The following YJU2B variants were observed in gnomAD, a reference collection of about 807,000 sequenced individuals.
YJU2B encodes the protein YJU2 splicing factor homolog B.
Under a neutral mutation model 38.0 loss-of-function variants are expected in YJU2B, and 18 were observed. The observed-to-expected ratio is 0.47, with a 90% confidence interval of 0.33 to 0.70. The LOEUF is 0.70. Among genes scored for constraint, YJU2B ranks in the 30% least tolerant of loss-of-function variants. The pLI is 0.02. For missense variants in YJU2B, 538 were observed against 556.3 expected (o/e 0.97, Z 0.33); for synonymous variants, 246 against 225.4 (o/e 1.09, Z -0.82).
chr19:13,757,916 T>C, intron 6 of YJU2B, 70 bp downstream of exon 6: 1 of 1,384,442 alleles, frequency 7.2e-7, no homozygotes, highest in Admixed American at 1.7e-5. Flanking sequence ...ACAAAGAGCC[T>C]GAGTTGCGGG....
At chr19:13,759,352 C>T (rs1973796947) in intron 8 of YJU2B, 80 bp downstream of exon 8, 1 of 1,214,140 alleles carries the variant, frequency 8.2e-7, no homozygotes, top group Admixed American at 2.6e-5. Flanking sequence ...CCACCACATC[C>T]TAGCTTTGAG....
At chr19:13,732,720 C>T (rs1972850332) in intron 2 of YJU2B, 1 of 150,680 alleles carries the variant, frequency 6.6e-6, no homozygotes, top group Non-Finnish European at 1.5e-5. Flanking sequence ...AGCAGCTCTC[C>T]TGCCTTAGCC....
chr19:13,738,320 T>TA (rs1444978801), intron 2 of YJU2B, among the ~76,000 whole-genome samples: 1 of 152,216 alleles, frequency 6.6e-6, no homozygotes, highest in Non-Finnish European at 1.5e-5. Flanking sequence ...TCACAGCTCT[T>TA]ACATCATTGT....
intron 6 of YJU2B, 120 bp downstream of exon 6, chr19:13,757,966 G>A: frequency 7.0e-6 from 6 of 855,016 alleles, no homozygotes; most frequent in Non-Finnish European, 1.1e-5. Flanking sequence ...AATCGCCCTG[G>A]TTGGTGAATC....
chr19:13,762,289 C>T lies in YJU2B; in HGVS notation c.574-10C>T, dbSNP rs1226022848. ...CCCCCTATCTCTGGTGTTCTTGGCC[C>T]TCAACACAGGAAAAGAAAAAAGCCA... On this transcript the variant is annotated splice_polypyrimidine_tract_variant and intron_variant, in intron 8 of 9. Transcript: ENST00000221554. 2.2e-5 allele frequency: 36 copies of T among 1,612,826 alleles called. No individual in the cohort carries two copies. The highest frequency in any genetic ancestry group is 2.5e-5 in the Non-Finnish European group (30 of 1,179,846).
chr19:13,742,294 C>CTTTTTTTTTTTTTTTT (rs552865402), intron 2 of YJU2B, among the ~76,000 whole-genome samples: 3 of 111,980 alleles, frequency 2.7e-5, no homozygotes, highest in African/African-American at 1.1e-4. Context: ...TTGAGTCCCA[C>CTTTTTTTTTTTTTTTT]TTTTTTTTTT....
intron 1 of YJU2B, among the ~76,000 whole-genome samples, chr19:13,751,389 T>TG (rs1233163330): frequency 1.3e-5 from 2 of 152,172 alleles, no homozygotes; most frequent in Admixed American, 6.6e-5. Context: ...CACTCCAGCC[T>TG]GGTGACAGAG....
chr19:13,763,162 C>G lies in YJU2B; in HGVS notation c.*94C>G. On this transcript the variant is annotated 3_prime_UTR_variant, in exon 10 of 10. Coordinates refer to ENST00000221554, the MANE Select transcript of YJU2B (RefSeq NM_030818.4). ...TGCAGACCCCCGGCTCGCCCACCAG[C>G]CCTGGGAGAGCTCAGATGCCGCATC... 9.5e-7 allele frequency: 1 copy of G among 1,056,864 alleles called. No individual in the cohort carries two copies. 65.5% of individuals were successfully genotyped at this position (1,056,864 alleles called of 1,614,324 possible). A position where few individuals can be genotyped will look rare whatever the true frequency, so the allele number is the denominator to read the frequency against.
Position 13,758,986 on chromosome 19 carries a change from G to A in YJU2B, c.376G>A (p.Asp126Asn). 1 of 1,613,766 alleles carries A rather than the reference G, an allele frequency of 6.2e-7. No homozygotes were observed. Among genetic ancestry groups the A allele is most frequent in the Non-Finnish European group, 8.5e-7 (1 of 1,179,912 alleles). The change falls in exon 7 of 10, where the codon GAC becomes AAC. Residue 126 changes from aspartate (D) to asparagine (N), a missense_variant. Around this residue, in one of 2 missense-constraint regions of YJU2B, gnomAD observed 488 missense variants for 469.5 expected, o/e 1.04. Transcript: ENST00000221554. ...QRKEERWDMA[D>N]NEQVLTTEHE... is the part of the protein sequence containing the mutation. Reference sequence around the variant, plus strand: ...CAAGGAGGAGCGCTGGGACATGGCGGACAATGAGCAGGTGCTGACCACAGG... The same window carrying A: ...CAAGGAGGAGCGCTGGGACATGGCGAACAATGAGCAGGTGCTGACCACAGG...
upstream of YJU2B, among the ~76,000 whole-genome samples, chr19:13,745,692 T>TAGATAGATAGATAGAG (rs57681294): frequency 1.1e-5 from 1 of 93,306 alleles, no homozygotes; most frequent in African/African-American, 3.9e-5. Context: ...GATAGATAGA[T>TAGATAGATAGATAGAG]ATAGATATAT....
intron 2 of YJU2B, among the ~76,000 whole-genome samples, chr19:13,737,137 C>T (rs1972971479): frequency 1.3e-5 from 2 of 152,080 alleles, no homozygotes; most frequent in Admixed American, 1.3e-4. Context: ...AAGTGATCTT[C>T]CTGCCTCAGT....
upstream of YJU2B, among the ~76,000 whole-genome samples, chr19:13,744,480 T>A (rs974953074): frequency 2.6e-5 from 4 of 152,212 alleles, no homozygotes. Flanking sequence ...TCTAACTTCC[T>A]TAGCTTTTGT....
At chr19:13,759,460 T>C in intron 8 of YJU2B, 188 bp downstream of exon 8, 3 of 548,646 alleles carry the variant, frequency 5.5e-6, no homozygotes, top group Non-Finnish European at 6.3e-6. Flanking sequence ...AAAAATACCA[T>C]AGACAGAAAC....
chr19:13,750,973 G>C (rs971111569), intron 1 of YJU2B, among the ~76,000 whole-genome samples: 1 of 152,094 alleles, frequency 6.6e-6, no homozygotes, highest in Non-Finnish European at 1.5e-5. Flanking sequence ...AGTGTGGCTG[G>C]AACAGAGTGA....
At chr19:13,757,354 G>A in intron 4 of YJU2B, 64 bp from the exon 5 acceptor site, 1 of 1,416,012 alleles carries the variant, frequency 7.1e-7, no homozygotes. Context: ...CAGAGTCGCA[G>A]GTGTGGAGAC....
Position 13,751,702 on chromosome 19 carries a change from TG to T in YJU2B, c.-105del. ...CACGACATCTTCGCAGGGAAGCCTG[TG>T]GACCCTCTGCCAGGCTCCACAAGAG... On this transcript the variant is annotated 5_prime_UTR_variant, in exon 2 of 10. Transcript: ENST00000221554. 8.1e-7 allele frequency: 1 copy of T among 1,227,108 alleles called. No individual in the cohort carries two copies. Among genetic ancestry groups the T allele is most frequent in the Non-Finnish European group, 1.2e-6 (1 of 832,432 alleles). The allele number at this position is 1,227,108 out of a possible 1,614,324, so 76.0% of individuals were successfully genotyped here.
intron 2 of YJU2B, among the ~76,000 whole-genome samples, chr19:13,753,300 G>A (rs552297705): frequency 1.4e-4 from 22 of 152,272 alleles, no homozygotes; most frequent in Admixed American, 7.2e-4. Context: ...AGGGCTGGGC[G>A]CGGTGGCTCA....
chr19:13,758,962 A>G lies in YJU2B; in HGVS notation c.352A>G (p.Lys118Glu). Reference protein sequence around the residue: ...DYVIVSGAQRKEERWDMADNE... With the variant: ...DYVIVSGAQREEERWDMADNE... ...CGTGATCGTGAGTGGCGCCCAGCGC[A>G]AGGAGGAGCGCTGGGACATGGCGGA... Residue 118 changes from lysine (K) to glutamate (E), a missense_variant, in exon 7 of 10, where the codon AAG becomes GAG. Physicochemically the swap from Lys to Glu is moderately conservative, Grantham distance 56 (BLOSUM62 1). Transcript: ENST00000221554. 6.2e-7 allele frequency: 1 copy of G among 1,613,910 alleles called. No homozygotes were observed. Among genetic ancestry groups the G allele is most frequent in the Non-Finnish European group, 8.5e-7 (1 of 1,179,940 alleles).
rs1812165573 is a variant in YJU2B, at chr19:13,757,919, G to C, written c.257+73G>C. On this transcript the variant is annotated intron_variant, in intron 6 of 9. Transcript: ENST00000221554. ...GGCGAGGGGGCTACAAAGAGCCTGA[G>C]TTGCGGGGGGAACCCATTCCCTGCA... 3.0e-6 allele frequency: 4 copies of C among 1,333,062 alleles called. No individual in the cohort carries two copies. In the East Asian group the frequency reaches 6.9e-5, roughly 23 times the overall value. The allele number at this position is 1,333,062 out of a possible 1,614,324, so 82.6% of individuals were successfully genotyped here. A position where few individuals can be genotyped will look rare whatever the true frequency, so the allele number is the denominator to read the frequency against.
Sources: allele counts gnomAD v4.1 joint callset (sites outside exome capture counted in the v4.1 genomes callset), GRCh38; gene constraint gnomAD v4.1.1; regional missense constraint gnomAD v4.1.1; transcripts MANE v1.5; gene names NCBI Gene and HGNC (gene_info 2026-07-23, HGNC 2026-07-21).